Variants in SLC39A11 observed in about 807,000 individuals in gnomAD.
The protein encoded by SLC39A11 is solute carrier family 39 member 11.
Under a neutral mutation model 36.1 loss-of-function variants are expected in SLC39A11, and 33 were observed. The observed-to-expected ratio is 0.91, with a 90% CI of 0.69 to 1.22. SLC39A11 has a LOEUF of 1.22. SLC39A11 is among the 50% of genes most tolerant of loss of function. The pLI is 0.00. For synonymous variants in SLC39A11, 166 were observed against 170.3 expected, an observed-to-expected ratio of 0.97 and a Z score of 0.20; for missense variants, 432 against 430.3, an observed-to-expected ratio of 1.00 and a Z score of -0.03.
intron 5 of SLC39A11, among the ~76,000 whole-genome samples, chr17:72,861,716 A>T (rs1456675308): frequency 1.6e-5 from 2 of 123,536 alleles, no homozygotes; most frequent in Non-Finnish European, 3.3e-5. Flanking sequence ...TATATATAGG[A>T]TATATATATA....
intron 5 of SLC39A11, among the ~76,000 whole-genome samples, chr17:72,909,798 T>C (rs2082876390): frequency 1.3e-5 from 2 of 150,634 alleles, no homozygotes; most frequent in Admixed American, 6.7e-5. Context: ...CAGGCTGGAG[T>C]GCAGTGGCGT....
intron 5 of SLC39A11, among the ~76,000 whole-genome samples, chr17:72,897,598 T>C (rs1206529112): frequency 2.6e-5 from 4 of 152,140 alleles, no homozygotes; most frequent in Admixed American, 2.0e-4. Flanking sequence ...TGAGCTGAGT[T>C]TGAAGAAAGT....
chr17:72,702,622 C>A (rs2072702692), intron 7 of SLC39A11, among the ~76,000 whole-genome samples: 1 of 152,024 alleles, frequency 6.6e-6, no homozygotes, highest in African/African-American at 2.4e-5. Context: ...TATGGGAATT[C>A]CTCTTTTCCA....
chr17:73,067,574 A>G (rs2060032979), intron 3 of SLC39A11, among the ~76,000 whole-genome samples: 1 of 152,092 alleles, frequency 6.6e-6, no homozygotes, highest in Non-Finnish European at 1.5e-5. Context: ...AGACGCTTAT[A>G]CAGTCTTAGT....
At chr17:72,905,898 C>T (rs1460859597) in intron 5 of SLC39A11, among the ~76,000 whole-genome samples, 1 of 152,058 alleles carries the variant, frequency 6.6e-6, no homozygotes, top group Non-Finnish European at 1.5e-5. Context: ...GGACTACAGG[C>T]GCCCGCCACC....
chr17:72,859,260 C>T (rs1567837038), intron 5 of SLC39A11, among the ~76,000 whole-genome samples: 1 of 152,338 alleles, frequency 6.6e-6, no homozygotes, highest in East Asian at 1.9e-4. Flanking sequence ...TGGACAGGCT[C>T]CTTGCTAGGG....
chr17:72,958,485 T>A (rs534898765), intron 4 of SLC39A11, among the ~76,000 whole-genome samples: 1 of 152,160 alleles, frequency 6.6e-6, no homozygotes, highest in East Asian at 1.9e-4. Flanking sequence ...GGATCTACAA[T>A]AAACTCAAAT....
At chr17:72,743,461 C>G (rs2074801046) in intron 6 of SLC39A11, among the ~76,000 whole-genome samples, 1 of 152,176 alleles carries the variant, frequency 6.6e-6, no homozygotes, top group Non-Finnish European at 1.5e-5. Flanking sequence ...TGCAAAGGAG[C>G]AGGTCCTTCC....
chr17:72,958,648 C>T lies in SLC39A11; in HGVS notation c.307-10773G>A, dbSNP rs148236023. Among the ~76,000 whole-genome samples, 13 of 152,224 alleles carry T rather than the reference C, an allele frequency of 8.5e-5. No homozygotes were observed. The East Asian group carries it at 1.5e-3, about 18-fold the overall frequency. ...GGCATATCACCTGGGATCAGGAATT[C>T]GAGACCAGCCTGGCCAACATGGCGA... On this transcript the variant is annotated intron_variant, in intron 4 of 9. Coordinates refer to ENST00000255559, the MANE Select transcript of SLC39A11 (RefSeq NM_139177.4).
chr17:72,994,783 A>T (rs892270588), intron 4 of SLC39A11, among the ~76,000 whole-genome samples: 1 of 152,182 alleles, frequency 6.6e-6, no homozygotes, highest in African/African-American at 2.4e-5. Flanking sequence ...CAAACACTCC[A>T]TGAGACTTTC....
intron 6 of SLC39A11, among the ~76,000 whole-genome samples, chr17:72,788,253 A>G (rs1039804799): frequency 2.0e-5 from 3 of 152,178 alleles, no homozygotes; most frequent in Non-Finnish European, 2.9e-5. Flanking sequence ...CCTCTCTGCT[A>G]TGCATCCATG....
chr17:72,996,953 G>A (rs1328355482), intron 4 of SLC39A11, among the ~76,000 whole-genome samples: 6 of 151,956 alleles, frequency 3.9e-5, no homozygotes, highest in Non-Finnish European at 8.8e-5. Flanking sequence ...AACATGCCCT[G>A]GTCCAAGGCA....
At chr17:72,925,640 A>G (rs573578014) in intron 5 of SLC39A11, among the ~76,000 whole-genome samples, 11 of 152,338 alleles carry the variant, frequency 7.2e-5, no homozygotes, top group Admixed American at 3.9e-4. Context: ...GTACCTGCCT[A>G]TTGGCCAAGC....
chr17:72,784,334 G>T (rs1175359534), intron 6 of SLC39A11, among the ~76,000 whole-genome samples: 1 of 152,074 alleles, frequency 6.6e-6, no homozygotes, highest in East Asian at 1.9e-4. Flanking sequence ...AAGAGAGAGA[G>T]ACTCTGTCTC....
chr17:72,966,849 G>A (rs1328459941), intron 4 of SLC39A11, among the ~76,000 whole-genome samples: 3 of 152,150 alleles, frequency 2.0e-5, no homozygotes, highest in Admixed American at 6.5e-5. Context: ...GATTACAGGC[G>A]TCAGCCACCA....
At chr17:73,063,026 T>C (rs576873893) in intron 3 of SLC39A11, among the ~76,000 whole-genome samples, 7 of 152,232 alleles carry the variant, frequency 4.6e-5, no homozygotes, top group African/African-American at 1.7e-4. Context: ...CCAGTAAGTC[T>C]TGGGGGCCTG....
intron 5 of SLC39A11, among the ~76,000 whole-genome samples, chr17:72,922,257 A>T (rs41335744): frequency 2.6e-5 from 4 of 152,226 alleles, no homozygotes; most frequent in Admixed American, 2.6e-4. Flanking sequence ...TCTCCCGAAG[A>T]CAGTTTCACA....
At chr17:72,769,900 T>C (rs1380325895) in intron 6 of SLC39A11, among the ~76,000 whole-genome samples, 1 of 152,204 alleles carries the variant, frequency 6.6e-6, no homozygotes, top group East Asian at 1.9e-4. Flanking sequence ...CAACTGTTTG[T>C]ATCTCACCTA....
chr17:73,005,412 C>T (rs2090126164), intron 4 of SLC39A11, among the ~76,000 whole-genome samples: 1 of 152,222 alleles, frequency 6.6e-6, no homozygotes. Flanking sequence ...TACTGCATGC[C>T]TGACTGTGTG....
Sources: gnomAD v4.1 joint callset for allele counts (sites outside exome capture counted in the v4.1 genomes callset) on GRCh38, gnomAD v4.1.1 for gene constraint, MANE v1.5 for transcripts, NCBI Gene and HGNC (gene_info 2026-07-23, HGNC 2026-07-21) for gene names.